The following TRAPPC3 variants were observed in gnomAD, a reference collection of about 807,000 sequenced individuals.
The protein encoded by TRAPPC3 is trafficking protein particle complex subunit 3.
In TRAPPC3, 5 loss-of-function variants were observed where a neutral mutation model predicts 18.2. The ratio of observed to expected loss-of-function variants is 0.28; its 90% CI spans 0.14 to 0.58. TRAPPC3 has a LOEUF of 0.58. TRAPPC3 is among the 20% of genes least tolerant of loss of function. TRAPPC3 has a pLI of 0.91. For synonymous variants in TRAPPC3, 65 were observed against 84.2 expected, an observed-to-expected ratio of 0.77 and a Z score of 1.25; for missense variants, 176 against 225.9, an observed-to-expected ratio of 0.78 and a Z score of 1.41.
chr1:36,142,722 C>T (rs1644134889), intron 1 of TRAPPC3, among the ~76,000 whole-genome samples: 1 of 152,142 alleles, frequency 6.6e-6, no homozygotes, highest in African/African-American at 2.4e-5. Context: ...ACTTAAAGGC[C>T]TTTATGCTTT....
intron 1 of TRAPPC3, among the ~76,000 whole-genome samples, chr1:36,146,425 T>C (rs1008712183): frequency 1.3e-5 from 2 of 151,188 alleles, no homozygotes; most frequent in Admixed American, 6.6e-5. Flanking sequence ...GCCTCCTGAG[T>C]AGCTGGGACT....
upstream of TRAPPC3, chr1:36,149,663 T>TAGAG (rs1179249508): frequency 2.2e-5 from 12 of 543,884 alleles, no homozygotes; most frequent in South Asian, 2.1e-5. Context: ...GCCTGCCTGG[T>TAGAG]AGAGCCCAGC....
intron 1 of TRAPPC3, among the ~76,000 whole-genome samples, chr1:36,145,934 C>T (rs922618748): frequency 6.6e-6 from 1 of 151,802 alleles, no homozygotes; most frequent in Non-Finnish European, 1.5e-5. Flanking sequence ...CCACCACGCC[C>T]GGCTAACTTT....
At chr1:36,153,779 G>A (rs1158338493), upstream of TRAPPC3, among the ~76,000 whole-genome samples, 1 of 152,126 alleles carries the variant, frequency 6.6e-6, no homozygotes, top group South Asian at 2.1e-4. Context: ...GCTAATACCA[G>A]GGGCTCTTTT....
rs117566110 is a variant in TRAPPC3 at position 36,136,731 on chromosome 1, T to A, written c.*472A>T. The stretch of plus-strand genomic sequence containing the variant: ...TTTCCGGCATGACTGGCTCCTTTCC[T>A]GGCAAACACTACAATGTGTCACACT... On this transcript the variant is annotated 3_prime_UTR_variant, in exon 5 of 5. Transcript: ENST00000373166. The A allele has an allele frequency of 6.5e-6, 1 of 152,924 alleles. No individual in the cohort carries two copies. The highest frequency in any genetic ancestry group is 1.9e-4 in the East Asian group (1 of 5,196). The allele number at this position is 152,924 out of a possible 1,614,324, so 9.5% of individuals were successfully genotyped here.
rs775544245 is a variant in TRAPPC3, at chr1:36,137,959, A to G, written c.260T>C (p.Leu87Ser). The change falls in exon 4 of 5, where the codon TTG becomes TCG. Residue 87 changes from leucine to serine, a missense_variant. This residue lies in a region of TRAPPC3 where 147 missense variants were observed against 164.3 expected (regional missense o/e 0.89). Transcript: ENST00000373166. ...VIAKVAFKMY[L>S]GITPSITNWS... is the part of the protein sequence containing the mutation. ...ATTAGTAATGCTTGGAGTGATGCCCAAGTACATCTTGAACGCCACCTGTCA... is the reference window on the plus strand; with the variant it reads ...ATTAGTAATGCTTGGAGTGATGCCCGAGTACATCTTGAACGCCACCTGTCA... The G allele has an allele frequency of 6.2e-7, 1 of 1,614,096 alleles. No homozygotes were observed. The highest frequency in any genetic ancestry group is 8.5e-7 in the Non-Finnish European group (1 of 1,179,960).
At chr1:36,143,963 T>A (rs1644154086) in intron 1 of TRAPPC3, among the ~76,000 whole-genome samples, 1 of 152,160 alleles carries the variant, frequency 6.6e-6, no homozygotes, top group South Asian at 2.1e-4. Flanking sequence ...TACATACTTA[T>A]TTTTATTCTT....
At position 36,137,152 on chromosome 1, in the gene TRAPPC3, C is replaced by T; in HGVS notation, c.*51G>A. The T allele has an allele frequency of 6.3e-7, 1 of 1,581,172 alleles. No homozygotes were observed. Among genetic ancestry groups the T allele is most frequent in the Non-Finnish European group, 8.7e-7 (1 of 1,153,886 alleles). On this transcript the variant is annotated 3_prime_UTR_variant, in exon 5 of 5. Transcript: ENST00000373166. ...TGGAGGGCAGAGGGAGCACAGAGGC[C>T]TGCTGATTCCAACAGTGCTCCTGAT... is the stretch of plus-strand genomic sequence containing the variant.
upstream of TRAPPC3, among the ~76,000 whole-genome samples, chr1:36,152,525 G>A (rs1644278795): frequency 6.6e-6 from 1 of 152,180 alleles, no homozygotes; most frequent in South Asian, 2.1e-4. Context: ...GGCCAGGTTG[G>A]TCGTGAACTC....
intron 1 of TRAPPC3, among the ~76,000 whole-genome samples, chr1:36,143,320 T>C (rs372426200): frequency 6.6e-6 from 1 of 152,188 alleles, no homozygotes; most frequent in Non-Finnish European, 1.5e-5. Flanking sequence ...TGGTAAGCCA[T>C]GAAGATATCT....
intron 1 of TRAPPC3, among the ~76,000 whole-genome samples, chr1:36,148,788 T>C (rs752124534): frequency 2.6e-5 from 4 of 152,166 alleles, no homozygotes; most frequent in Non-Finnish European, 5.9e-5. Context: ...CGTTCCTTTC[T>C]GGCACGACCA....
upstream of TRAPPC3, chr1:36,149,563 A>C: frequency 1.5e-6 from 1 of 682,092 alleles, no homozygotes; most frequent in Non-Finnish European, 2.5e-6. Flanking sequence ...ACTCCCGCCC[A>C]ACAAACGTCA....
intron 1 of TRAPPC3, among the ~76,000 whole-genome samples, chr1:36,154,764 A>G (rs1049390618): frequency 8.5e-5 from 13 of 152,188 alleles, no homozygotes; most frequent in African/African-American, 3.1e-4. Flanking sequence ...ACCTCATGGC[A>G]CTACTATTTT....
rs372007648 is a variant in TRAPPC3, at chr1:36,140,210, G to T, written c.43-44C>A. ...GCAGTCAGGACCAAGCAGCACAAAA[G>T]AGAAAGCGTGGTGAGAGTCTGGACC... On this transcript the variant is annotated intron_variant, in intron 1 of 4. Coordinates refer to ENST00000373166, the MANE Select transcript of TRAPPC3 (RefSeq NM_014408.5). The T allele has an allele frequency of 6.8e-6, 9 of 1,317,534 alleles. No individual in the cohort carries two copies. In the African/African-American group the frequency reaches 1.3e-4, roughly 20 times the overall value. 81.6% of individuals were successfully genotyped at this position (1,317,534 alleles called of 1,614,324 possible). A position where few individuals can be genotyped will look rare whatever the true frequency, so the allele number is the denominator to read the frequency against.
At chr1:36,142,826 T>C (rs111655686) in intron 1 of TRAPPC3, among the ~76,000 whole-genome samples, 5 of 152,046 alleles carry the variant, frequency 3.3e-5, no homozygotes, top group Non-Finnish European at 5.9e-5. Context: ...GCCCAGGAAT[T>C]TGAGACCAGC....
chr1:36,144,158 G>A (rs1299411111), intron 1 of TRAPPC3, among the ~76,000 whole-genome samples: 4 of 151,762 alleles, frequency 2.6e-5, no homozygotes, highest in Admixed American at 2.0e-4. Context: ...CGTGGTACTA[G>A]GTGCCTGTAA....
intron 3 of TRAPPC3, among the ~76,000 whole-genome samples, chr1:36,138,603 T>C (rs549483451): frequency 1.6e-4 from 24 of 152,334 alleles, no homozygotes; most frequent in South Asian, 1.4e-3. Flanking sequence ...GCACTAATAC[T>C]AGTAATAGTA....
At chr1:36,150,657 G>A (rs1334266787), upstream of TRAPPC3, among the ~76,000 whole-genome samples, 1 of 152,216 alleles carries the variant, frequency 6.6e-6, no homozygotes, top group Non-Finnish European at 1.5e-5. Context: ...TCAGGGTGCA[G>A]GACCAATCAT....
chr1:36,145,178 C>T lies in TRAPPC3; in HGVS notation c.42+4159G>A, dbSNP rs537544516. ...CTGGGACTACAGGCGCCCGCCACCA[C>T]ACCCGGCTAATTTTTTGTATTTTTT... is the stretch of plus-strand genomic sequence containing the variant. On this transcript the variant is annotated intron_variant, in intron 1 of 4. Coordinates refer to ENST00000373166, the MANE Select transcript of TRAPPC3 (RefSeq NM_014408.5). Among the ~76,000 whole-genome samples, 4 of 151,858 alleles carry T rather than the reference C, an allele frequency of 2.6e-5. No individual in the cohort carries two copies. In the South Asian group the frequency reaches 6.3e-4, roughly 24 times the overall value.
Sources: gnomAD v4.1 joint callset for allele counts (sites outside exome capture counted in the v4.1 genomes callset) on GRCh38, gnomAD v4.1.1 for gene constraint, gnomAD v4.1.1 regional missense constraint, MANE v1.5 for transcripts, NCBI Gene and HGNC (gene_info 2026-07-23, HGNC 2026-07-21) for gene names.